NIPA2: variants seen among roughly 807,000 people sequenced by gnomAD.
NIPA2 encodes magnesium transporter NIPA2.
A neutral mutation model predicts 29.7 loss-of-function variants in NIPA2; 11 were observed. That is an observed-to-expected ratio of 0.37 (90% CI 0.23 to 0.61). The LOEUF (loss-of-function observed/expected upper bound fraction) is 0.61, where lower values mean the gene tolerates loss of function less well. NIPA2 is among the 20% of genes least tolerant of loss of function. The pLI, the probability that NIPA2 is intolerant of heterozygous loss-of-function variation, is 0.66. For missense variants in NIPA2, 426 were observed against 437.9 expected, an observed-to-expected ratio of 0.97 and a Z score of 0.24; for synonymous variants, 183 against 161.9, an observed-to-expected ratio of 1.13 and a Z score of -0.99.
chr15:22,867,316 G>A lies in NIPA2; in HGVS notation c.*469G>A, dbSNP rs1484469208. 1 of 397,800 alleles carries A rather than the reference G, an allele frequency of 2.5e-6. No homozygotes were observed. The highest frequency in any genetic ancestry group is 4.4e-6 in the Non-Finnish European group (1 of 225,750). The allele number at this position is 397,800 out of a possible 1,614,324, so 24.6% of individuals were successfully genotyped here. A position where few individuals can be genotyped will look rare whatever the true frequency, so the allele number is the denominator to read the frequency against. On this transcript the variant is annotated 3_prime_UTR_variant, in exon 8 of 8. Coordinates refer to ENST00000337451, the MANE Select transcript of NIPA2 (RefSeq NM_030922.7). ...AAGTGGCTCCTGTTTGTTTGATGAT[G>A]ATTGGTTTTATTTTTGAAATATTTA...
At chr15:22,842,422 G>T (rs540812390) in intron 2 of NIPA2, among the ~76,000 whole-genome samples, 1 of 152,130 alleles carries the variant, frequency 6.6e-6, no homozygotes, top group East Asian at 1.9e-4. Context: ...GGGCGCGGTG[G>T]CTTACGCCTG....
At chr15:22,839,017 CT>C (rs1413785550) in intron 1 of NIPA2, 96 bp downstream of exon 1, 2 of 152,224 alleles carry the variant, frequency 1.3e-5, no homozygotes, top group African/African-American at 4.8e-5. Flanking sequence ...CTTCGGGCAA[CT>C]TTCCTTTCCG....
At chr15:22,846,082 GAC>G (rs1194391860) in intron 3 of NIPA2, among the ~76,000 whole-genome samples, 1 of 152,156 alleles carries the variant, frequency 6.6e-6, no homozygotes, top group Non-Finnish European at 1.5e-5. Flanking sequence ...CCACAGTACT[GAC>G]ACTGGACAGA....
chr15:22,840,873 G>C (rs1639388923), intron 2 of NIPA2, among the ~76,000 whole-genome samples: 2 of 152,006 alleles, frequency 1.3e-5, no homozygotes, highest in African/African-American at 4.8e-5. Context: ...GGTAAATATG[G>C]TTTACTCATA....
chr15:22,867,448 T>A lies in NIPA2; in HGVS notation c.*601T>A. 2.8e-6 allele frequency: 1 copy of A among 352,744 alleles called. No individual in the cohort carries two copies. Among genetic ancestry groups the A allele is most frequent in the Non-Finnish European group, 5.0e-6 (1 of 198,498 alleles). 21.9% of individuals were successfully genotyped at this position (352,744 alleles called of 1,614,324 possible). On this transcript the variant is annotated 3_prime_UTR_variant, in exon 8 of 8. Transcript: ENST00000337451. ...ATTTCTCAGGTTGAGATGATCACCG[T>A]GAATCCGGCTTCCTCTGAGCATTCG...
intron 2 of NIPA2, among the ~76,000 whole-genome samples, chr15:22,843,002 C>CAA (rs60054939): frequency 6.5e-5 from 7 of 107,304 alleles, no homozygotes; most frequent in African/African-American, 1.7e-4. Flanking sequence ...GACTCTGTCT[C>CAA]AAAAAAAAAA....
chr15:22,849,659 A>G (rs1341433329), intron 3 of NIPA2, among the ~76,000 whole-genome samples: 1 of 151,262 alleles, frequency 6.6e-6, no homozygotes, highest in African/African-American at 2.4e-5. Context: ...TCCCAGGTTC[A>G]TGCCATTCTC....
chr15:22,856,494 T>G (rs775116308), intron 5 of NIPA2, among the ~76,000 whole-genome samples: 16 of 152,106 alleles, frequency 1.1e-4, no homozygotes, highest in Non-Finnish European at 1.8e-4. Flanking sequence ...GCCAAATTCC[T>G]TGATTGAATT....
At chr15:22,852,324 G>A (rs186595003) in intron 4 of NIPA2, among the ~76,000 whole-genome samples, 2 of 152,074 alleles carry the variant, frequency 1.3e-5, no homozygotes, top group East Asian at 1.9e-4. Context: ...AAAATTAGCC[G>A]GGCATGGTGG....
intron 4 of NIPA2, 72 bp downstream of exon 4, chr15:22,851,942 C>A: frequency 7.7e-7 from 1 of 1,291,950 alleles, no homozygotes; most frequent in Non-Finnish European, 1.1e-6. Flanking sequence ...TTGTACAAGA[C>A]CACATCTTCA....
At chr15:22,844,432 T>C (rs1280177754) in intron 2 of NIPA2, among the ~76,000 whole-genome samples, 1 of 151,976 alleles carries the variant, frequency 6.6e-6, no homozygotes, top group East Asian at 1.9e-4. Flanking sequence ...TACACGTCTG[T>C]AATCCCAGCT....
chr15:22,846,840 A>AATAATAATTATT (rs1555380236), intron 3 of NIPA2, among the ~76,000 whole-genome samples: 3 of 134,984 alleles, frequency 2.2e-5, no homozygotes, highest in Admixed American at 1.5e-4. Flanking sequence ...TAATAATAAT[A>AATAATAATTATT]ATTATTATTA....
chr15:22,866,502 C>G lies in NIPA2; in HGVS notation c.738C>G (p.Ser246=). 1 of 1,613,754 alleles carries G rather than the reference C, an allele frequency of 6.2e-7. No homozygotes were observed. The highest frequency in any genetic ancestry group is 1.1e-5 in the South Asian group (1 of 91,076). The stretch of plus-strand genomic sequence containing the variant: ...GGGCCCTGGATATATTCAACACTTC[C>G]ATTGTGACTCCAATATATTATGTAT... The part of the protein sequence containing the change: ...LNRALDIFNT[S]IVTPIYYVFF... Residue 246 remains serine, a synonymous_variant, in exon 8 of 8, where the codon TCC becomes TCG. Transcript: ENST00000337451.
chr15:22,858,931 AT>A (rs2058410071), intron 6 of NIPA2, among the ~76,000 whole-genome samples: 1 of 152,182 alleles, frequency 6.6e-6, no homozygotes, highest in African/African-American at 2.4e-5. Flanking sequence ...TAATCCCAGC[AT>A]TTTGGGAGGC....
intron 7 of NIPA2, among the ~76,000 whole-genome samples, chr15:22,862,049 CTT>C (rs57513456): frequency 7.7e-5 from 8 of 103,940 alleles, no homozygotes; most frequent in Admixed American, 2.4e-4. Context: ...ATGGGTCTCT[CTT>C]TTTTTTTTTT....
At chr15:22,853,717 G>A (rs1317701831) in intron 5 of NIPA2, among the ~76,000 whole-genome samples, 1 of 151,692 alleles carries the variant, frequency 6.6e-6, no homozygotes, top group Non-Finnish European at 1.5e-5. Flanking sequence ...GTACTTATAG[G>A]GTACATGAGA....
At chr15:22,861,337 G>A (rs1416926226) in intron 7 of NIPA2, among the ~76,000 whole-genome samples, 1 of 152,106 alleles carries the variant, frequency 6.6e-6, no homozygotes, top group Admixed American at 6.6e-5. Flanking sequence ...CAATCTAGGC[G>A]GGTGTCTCCA....
intron 2 of NIPA2, among the ~76,000 whole-genome samples, chr15:22,842,417 C>T (rs939587248): frequency 1.9e-4 from 29 of 152,036 alleles, no homozygotes; most frequent in African/African-American, 5.6e-4. Flanking sequence ...AGGCTGGGCG[C>T]GGTGGCTTAC....
intron 2 of NIPA2, among the ~76,000 whole-genome samples, chr15:22,841,807 G>A (rs1333835045): frequency 2.0e-5 from 3 of 152,020 alleles, no homozygotes; most frequent in South Asian, 2.1e-4. Flanking sequence ...GCGCCCGGCC[G>A]GACACTCGCT....
Sources: gnomAD v4.1 joint callset for allele counts (sites outside exome capture counted in the v4.1 genomes callset) on GRCh38, gnomAD v4.1.1 for gene constraint, MANE v1.5 for transcripts, NCBI Gene and HGNC (gene_info 2026-07-23, HGNC 2026-07-21) for gene names.